Variants in NELL2 observed in about 807,000 individuals in gnomAD.
NELL2 encodes neural EGFL like 2.
NELL2 carries 41 observed loss-of-function variants against 109.6 expected under a neutral mutation model. That is an observed-to-expected ratio of 0.37 (90% CI 0.29 to 0.49). The LOEUF (loss-of-function observed/expected upper bound fraction) is 0.49, where lower values mean the gene tolerates loss of function less well. Among genes scored for constraint, NELL2 ranks in the 20% least tolerant of loss-of-function variants. The pLI is 0.98. For missense variants in NELL2, 900 were observed against 1,008.3 expected (o/e 0.89, Z 1.45); for synonymous variants, 355 against 344.7 (o/e 1.03, Z -0.33).
At chr12:44,578,128 A>G (rs1353918784) in intron 15 of NELL2, among the ~76,000 whole-genome samples, 2 of 151,868 alleles carry the variant, frequency 1.3e-5, no homozygotes, top group Non-Finnish European at 1.5e-5. Flanking sequence ...TTTTAACTCA[A>G]TTTCTCTCTG....
chr12:44,771,376 A>G (rs1180703378), intron 9 of NELL2, among the ~76,000 whole-genome samples: 1 of 152,172 alleles, frequency 6.6e-6, no homozygotes, highest in Non-Finnish European at 1.5e-5. Context: ...AGGCTGTCAA[A>G]CACAGCACTT....
intron 13 of NELL2, among the ~76,000 whole-genome samples, chr12:44,611,725 C>T (rs1015329474): frequency 1.3e-5 from 2 of 151,992 alleles, no homozygotes; most frequent in Non-Finnish European, 2.9e-5. Flanking sequence ...GGTGACTCAA[C>T]GGTGGCTCAG....
chr12:44,894,093 G>T (rs35680740), intron 1 of NELL2, among the ~76,000 whole-genome samples: 11,331 of 152,208 alleles, frequency 0.074, 546 homozygotes, highest in Admixed American at 0.12. Context: ...GTATTTAGGA[G>T]ATTAAAATGG....
Position 44,899,091 on chromosome 12 carries a change from C to G in NELL2, c.38+14708G>C, listed in dbSNP as rs555879189. ...TGAAAAAAAAACAAAAAAAACAAAG[C>G]CTCCAGGAAATATGGGACTATGTGA... On this transcript the variant is annotated intron_variant, in intron 1 of 20. Coordinates refer to the NELL2 transcript ENST00000333837. 5.3e-5 allele frequency among the ~76,000 whole-genome samples: 8 copies of G among 151,742 alleles called. No homozygotes were observed. In the South Asian group the frequency reaches 1.7e-3, roughly 32 times the overall value.
At chr12:44,643,286 T>C (rs565061145) in intron 13 of NELL2, among the ~76,000 whole-genome samples, 2 of 152,290 alleles carry the variant, frequency 1.3e-5, no homozygotes, top group East Asian at 1.9e-4. Context: ...GAAAAAATTA[T>C]AGTTTATTTT....
Position 44,598,881 on chromosome 12 carries a change from ACACT to A in NELL2, c.1663+8284_1663+8287del, listed in dbSNP as rs1423281437. ...CACACACACACACACACACACACAC[ACACT>A]CTCTCTCTCTCTCTCTCTCTCTCTC... On this transcript the variant is annotated intron_variant, in intron 15 of 19. Transcript: ENST00000429094. Among the ~76,000 whole-genome samples, 328 of 148,488 alleles carry A rather than the reference ACACT, an allele frequency of 2.2e-3. 1 individual carries two copies. The highest frequency in any genetic ancestry group is 6.5e-3 in the African/African-American group (259 of 39,868).
intron 2 of NELL2, among the ~76,000 whole-genome samples, chr12:44,828,747 T>G (rs1185333643): frequency 6.6e-6 from 1 of 152,136 alleles, no homozygotes; most frequent in Non-Finnish European, 1.5e-5. Context: ...ATATAATGTC[T>G]CTATGATTTG....
intron 13 of NELL2, among the ~76,000 whole-genome samples, chr12:44,665,128 A>T (rs556473320): frequency 6.6e-6 from 1 of 152,238 alleles, no homozygotes; most frequent in Non-Finnish European, 1.5e-5. Context: ...CACATTATTT[A>T]TGTTATTATT....
chr12:44,854,339 A>G (rs979908669), intron 2 of NELL2, among the ~76,000 whole-genome samples: 6 of 152,226 alleles, frequency 3.9e-5, no homozygotes, highest in African/African-American at 1.4e-4. Context: ...TGCACAGCAC[A>G]GGAGTAAAGG....
intron 9 of NELL2, among the ~76,000 whole-genome samples, chr12:44,751,956 TAA>T (rs777614248): frequency 1.4e-5 from 2 of 142,620 alleles, no homozygotes; most frequent in Non-Finnish European, 1.5e-5. Flanking sequence ...GCTTATGAGC[TAA>T]AAAAAAAAAA....
At chr12:44,635,753 T>A (rs1048366602) in intron 13 of NELL2, among the ~76,000 whole-genome samples, 1 of 152,158 alleles carries the variant, frequency 6.6e-6, no homozygotes, top group African/African-American at 2.4e-5. Context: ...CTTAGGATTG[T>A]CTTGGCTATG....
At chr12:44,669,689 G>C (rs1948070747) in intron 12 of NELL2, among the ~76,000 whole-genome samples, 1 of 152,054 alleles carries the variant, frequency 6.6e-6, no homozygotes, top group Admixed American at 6.6e-5. Flanking sequence ...AAATAACTCA[G>C]TCAGACCAAA....
At chr12:44,756,413 A>T (rs553144021) in intron 9 of NELL2, among the ~76,000 whole-genome samples, 7 of 152,110 alleles carry the variant, frequency 4.6e-5, no homozygotes, top group East Asian at 1.9e-4. Flanking sequence ...TTAAAAAATT[A>T]AAAAAATTCC....
At chr12:44,669,236 G>A (rs1464969940) in intron 12 of NELL2, among the ~76,000 whole-genome samples, 1 of 151,938 alleles carries the variant, frequency 6.6e-6, no homozygotes, top group Non-Finnish European at 1.5e-5. Flanking sequence ...CACATCTATA[G>A]AAAAAAGTCT....
chr12:44,625,873 G>A (rs762894486), intron 13 of NELL2, among the ~76,000 whole-genome samples: 12 of 151,744 alleles, frequency 7.9e-5, no homozygotes, highest in African/African-American at 2.2e-4. Context: ...ACTGAAGCTC[G>A]CCAGCACACA....
intron 13 of NELL2, among the ~76,000 whole-genome samples, chr12:44,640,533 A>G (rs1326990866): frequency 6.6e-6 from 1 of 152,192 alleles, no homozygotes; most frequent in Non-Finnish European, 1.5e-5. Context: ...TAAAATCAAT[A>G]TGCATGTGAT....
At chr12:44,530,937 A>G (rs1942024793) in intron 16 of NELL2, among the ~76,000 whole-genome samples, 1 of 152,256 alleles carries the variant, frequency 6.6e-6, no homozygotes, top group Admixed American at 6.5e-5. Context: ...TGCTGTTTTT[A>G]GCTGCTAAGT....
At chr12:44,725,114 A>G (rs574435540) in intron 9 of NELL2, among the ~76,000 whole-genome samples, 2 of 152,302 alleles carry the variant, frequency 1.3e-5, no homozygotes, top group South Asian at 2.1e-4. Context: ...TACAAAAATC[A>G]ACTCAGGATG....
intron 9 of NELL2, among the ~76,000 whole-genome samples, chr12:44,736,408 G>T (rs1939655914): frequency 6.6e-6 from 1 of 152,068 alleles, no homozygotes; most frequent in Non-Finnish European, 1.5e-5. Context: ...CACAGAAACT[G>T]CAAGGCAAAG....
Sources: gnomAD v4.1 joint callset for allele counts (sites outside exome capture counted in the v4.1 genomes callset) on GRCh38, gnomAD v4.1.1 for gene constraint, MANE v1.5 for transcripts, NCBI Gene and HGNC (gene_info 2026-07-23, HGNC 2026-07-21) for gene names.